SBNO2: variants seen among roughly 807,000 people sequenced by gnomAD.
SBNO2 encodes protein strawberry notch homolog 2.
A neutral mutation model predicts 146.3 loss-of-function variants in SBNO2; 89 were observed. The ratio of observed to expected loss-of-function variants is 0.61; its 90% CI spans 0.51 to 0.73. The LOEUF is 0.73. SBNO2 is among the 30% of genes least tolerant of loss of function. The pLI is 0.00. For synonymous variants in SBNO2, 1,147 were observed against 892.6 expected (o/e 1.29, Z -5.08); for missense variants, 2,092 against 2,003.7 (o/e 1.04, Z -0.84).
rs913985821 is a variant in SBNO2, at chr19:1,108,176, G to A, written c.*44C>T. ...GCTCCCCACCGCTGCTCCTAGGGGA[G>A]AAACGGTCCCTGTGTCTTGGGGCAT... On this transcript the variant is annotated 3_prime_UTR_variant, in exon 32 of 32. Coordinates refer to ENST00000361757, the MANE Select transcript of SBNO2 (RefSeq NM_014963.3). The A allele has an allele frequency of 1.3e-6, 2 of 1,497,024 alleles. No homozygotes were observed. The highest frequency in any genetic ancestry group is 2.9e-5 in the African/African-American group (2 of 68,872). The allele number at this position is 1,497,024 out of a possible 1,614,324, so 92.7% of individuals were successfully genotyped here.
At position 1,147,437 on chromosome 19, in the gene SBNO2, G is replaced by GT; in HGVS notation, c.168-18_168-17insA. The GT allele has an allele frequency of 1.5e-6, 2 of 1,304,948 alleles. No individual in the cohort carries two copies. The highest frequency in any genetic ancestry group is 2.1e-6 in the Non-Finnish European group (2 of 957,964). 80.8% of individuals were successfully genotyped at this position (1,304,948 alleles called of 1,614,324 possible). On this transcript the variant is annotated splice_polypyrimidine_tract_variant and intron_variant, in intron 3 of 31. Transcript: ENST00000361757. ...ATGAACGGGCTGGAGGGAGATGGGGGGGGGGGAGGTGAGATGGGGTGCTCA... is the reference window on the plus strand; with the variant it reads ...ATGAACGGGCTGGAGGGAGATGGGGGTGGGGGGAGGTGAGATGGGGTGCTCA...
intron 1 of SBNO2, among the ~76,000 whole-genome samples, chr19:1,155,734 G>T (rs972222748): frequency 4.6e-5 from 7 of 152,114 alleles, no homozygotes; most frequent in Admixed American, 1.3e-4. Context: ...CCCCGACCCC[G>T]GCCCCGTGTG....
intron 3 of SBNO2, among the ~76,000 whole-genome samples, chr19:1,148,438 C>G (rs2080214764): frequency 6.6e-6 from 1 of 151,842 alleles, no homozygotes; most frequent in Admixed American, 6.6e-5. Flanking sequence ...GAACCCAGCC[C>G]AGCTGCTGCC....
chr19:1,149,207 C>T (rs1197609014), intron 3 of SBNO2, among the ~76,000 whole-genome samples, 162 bp downstream of exon 3: 1 of 150,556 alleles, frequency 6.6e-6, no homozygotes, highest in Non-Finnish European at 1.5e-5. Context: ...CAGCCTGGAC[C>T]TGGCCCGTGG....
chr19:1,145,890 G>A (rs1334630503), intron 4 of SBNO2, among the ~76,000 whole-genome samples: 1 of 152,104 alleles, frequency 6.6e-6, no homozygotes, highest in Non-Finnish European at 1.5e-5. Context: ...AACACAGCTG[G>A]TAGGCCAATT....
At position 1,163,865 on chromosome 19, in the gene SBNO2, G is replaced by C. The variant is rs754058958; in HGVS notation, c.-126-9463C>G. Among the ~76,000 whole-genome samples the C allele has an allele frequency of 2.6e-5, 4 of 152,314 alleles. No homozygotes were observed. In the East Asian group the frequency reaches 7.7e-4, roughly 29 times the overall value. On this transcript the variant is annotated intron_variant, in intron 1 of 31. Transcript: ENST00000361757. ...AAGTTCTCCCCGCCCCACGAGGAACGGCAGTGGCCCCGGTTGCCTGGAGGT... is the reference window on the plus strand; with the variant it reads ...AAGTTCTCCCCGCCCCACGAGGAACCGCAGTGGCCCCGGTTGCCTGGAGGT...
rs1182414680 is a variant in SBNO2 at position 1,110,955 on chromosome 19, C to T, written c.2884+64G>A. The stretch of plus-strand genomic sequence containing the variant: ...CCCTCTCCCTGCTTTGCTCACCACC[C>T]GAGGCCAAGGTTGCATGAGATGAGA... On this transcript the variant is annotated intron_variant, in intron 25 of 31. Coordinates refer to ENST00000361757, the MANE Select transcript of SBNO2 (RefSeq NM_014963.3). This position sits in a 1 kb window ranked among gnomAD's most constrained non-coding sequence, Gnocchi z 4.9. The T allele has an allele frequency of 2.5e-5, 40 of 1,610,356 alleles. No homozygotes were observed. Among genetic ancestry groups the T allele is most frequent in the Non-Finnish European group, 3.0e-5 (35 of 1,177,620 alleles).
chr19:1,164,411 G>A (rs1477053168), intron 1 of SBNO2, among the ~76,000 whole-genome samples: 1 of 102,914 alleles, frequency 9.7e-6, no homozygotes, highest in Non-Finnish European at 2.1e-5. Flanking sequence ...GGAGGAGGAG[G>A]AGGAGGAACA....
At chr19:1,153,486 G>A (rs909633420) in intron 2 of SBNO2, among the ~76,000 whole-genome samples, 1 of 150,930 alleles carries the variant, frequency 6.6e-6, no homozygotes, top group African/African-American at 2.4e-5. Context: ...TGATCTGCCC[G>A]CCTTGGCCTC....
chr19:1,111,300 G>A (rs2079756453), intron 24 of SBNO2, among the ~76,000 whole-genome samples: 1 of 152,182 alleles, frequency 6.6e-6, no homozygotes, highest in Non-Finnish European at 1.5e-5. Flanking sequence ...CCAAACCCCA[G>A]GCCCCTCAGC....
At chr19:1,172,473 G>A (rs572207061) in intron 1 of SBNO2, among the ~76,000 whole-genome samples, 174 of 152,254 alleles carry the variant, frequency 1.1e-3, no homozygotes, top group African/African-American at 1.8e-3. Context: ...GGGCGTGGAC[G>A]GCACCTGCTG....
In SBNO2 at chr19:1,109,718, C is replaced by T. The variant is rs1568550021; in HGVS notation, c.3088G>A (p.Gly1030Arg). The part of the protein sequence containing the change: ...EESQQVFLAP[G>R]HPQDGQVVFY... ...ACCACCTGCCCGTCCTGCGGGTGCC[C>T]GGGAGCCAGGAACACCTGCTGGCTC... The change falls in exon 27 of 32, where the codon GGG becomes AGG. Residue 1030 changes from glycine to arginine, a missense_variant. Gly to Arg is a moderately radical substitution (Grantham distance 125). Transcript: ENST00000361757. The surrounding 1 kb of genome is among the most constrained non-coding windows in gnomAD (Gnocchi z 4.2). The T allele has an allele frequency of 1.2e-6, 2 of 1,605,708 alleles. No individual in the cohort carries two copies. The highest frequency in any genetic ancestry group is 2.2e-5 in the East Asian group (1 of 44,624).
Position 1,117,974 on chromosome 19 carries a change from A to G in SBNO2, c.1528-475T>C, listed in dbSNP as rs1040016137. The stretch of plus-strand genomic sequence containing the variant: ...TGCTCCATACCCCAAAGTGCTCAGG[A>G]CGGCCCCACCCCGGAGAGCAACCCG... On this transcript the variant is annotated intron_variant, in intron 14 of 31. Transcript: ENST00000361757. 4.6e-5 allele frequency among the ~76,000 whole-genome samples: 7 copies of G among 152,282 alleles called. No homozygotes were observed. The East Asian group carries it at 9.7e-4, about 21-fold the overall frequency.
chr19:1,156,977 C>CGCCACTCCTGAGA (rs1474988784), intron 1 of SBNO2, among the ~76,000 whole-genome samples: 137 of 151,152 alleles, frequency 9.1e-4, no homozygotes, highest in East Asian at 1.8e-3. Context: ...CCTCAGGACC[C>CGCCACTCCTGAGA]ACAGCCCTGC....
Position 1,111,003 on chromosome 19 carries a change from G to C in SBNO2, c.2884+16C>G, listed in dbSNP as rs1160908868. ...AGAGACAGGAGCGCCTCTGGGCCTG[G>C]GTGTGGGGCACTCACCCTTCTCCAC... On this transcript the variant is annotated intron_variant, in intron 25 of 31. Transcript: ENST00000361757. The C allele has an allele frequency of 1.3e-6, 2 of 1,597,966 alleles. No individual in the cohort carries two copies. The highest frequency in any genetic ancestry group is 1.1e-5 in the South Asian group (1 of 89,052).
intron 4 of SBNO2, among the ~76,000 whole-genome samples, chr19:1,134,143 G>A (rs1203951066): frequency 8.1e-6 from 1 of 124,154 alleles, no homozygotes; most frequent in Non-Finnish European, 1.7e-5. Flanking sequence ...AGGACCCACA[G>A]CTCACGGGTG....
chr19:1,159,932 G>A (rs1300157657), intron 1 of SBNO2, among the ~76,000 whole-genome samples: 1 of 152,052 alleles, frequency 6.6e-6, no homozygotes, highest in East Asian at 1.9e-4. Context: ...GAGGGGGCCA[G>A]GGAAGGGAGG....
chr19:1,154,465 C>T (rs1474256212), intron 1 of SBNO2, 63 bp from the exon 2 acceptor site: 1 of 386,252 alleles, frequency 2.6e-6, no homozygotes, highest in Non-Finnish European at 4.6e-6. Flanking sequence ...GCTCCCCGGC[C>T]GCCTCTCCCT....
rs189496632 is a variant in SBNO2 at position 1,122,315 on chromosome 19, C to A, written c.1006-33G>T. On this transcript the variant is annotated intron_variant, in intron 10 of 31. Coordinates refer to ENST00000361757, the MANE Select transcript of SBNO2 (RefSeq NM_014963.3). ...TGCACAGAACAGGTGTGGAATGGGG[C>A]CCCGGCTCAGCAGGCTCTGGACCTG... 4.6e-4 allele frequency: 708 copies of A among 1,535,850 alleles called. 2 individuals carry two copies. In the African/African-American group the frequency reaches 7.7e-3, roughly 17 times the overall value.
Sources: gnomAD v4.1 joint callset for allele counts (sites outside exome capture counted in the v4.1 genomes callset) on GRCh38, gnomAD v4.1.1 for gene constraint, Gnocchi (gnomAD v3.1) non-coding constraint, MANE v1.5 for transcripts, NCBI Gene and HGNC (gene_info 2026-07-23, HGNC 2026-07-21) for gene names.